Variants in EBF1 observed in about 807,000 individuals in gnomAD.
The protein encoded by EBF1 is transcription factor COE1.
EBF1 carries 10 observed loss-of-function variants against 68.4 expected under a neutral mutation model. That is an observed-to-expected ratio of 0.15 (90% confidence interval 0.09 to 0.25). The LOEUF (loss-of-function observed/expected upper bound fraction) is 0.25. Ranked by LOEUF, EBF1 falls within the 10% of genes least tolerant of loss-of-function variation. The pLI, the probability that EBF1 is intolerant of heterozygous loss-of-function variation, is 1.00. For synonymous variants in EBF1, 298 were observed against 299.8 expected, an observed-to-expected ratio of 0.99 and a Z score of 0.06; for missense variants, 509 against 794.4, an observed-to-expected ratio of 0.64 and a Z score of 4.32.
At chr5:158,768,847 T>C (rs1346876059) in intron 10 of EBF1, among the ~76,000 whole-genome samples, 1 of 152,174 alleles carries the variant, frequency 6.6e-6, no homozygotes, top group African/African-American at 2.4e-5. Context: ...GGTTAATTTA[T>C]CATGATGTTC....
intron 7 of EBF1, among the ~76,000 whole-genome samples, chr5:158,835,682 T>TTTG (rs1178735954): frequency 6.6e-6 from 1 of 152,194 alleles, no homozygotes; most frequent in South Asian, 2.1e-4. Flanking sequence ...ACAATTTTTT[T>TTTG]TTGTTGTTGT....
At chr5:158,837,306 T>C (rs1282654339) in intron 7 of EBF1, among the ~76,000 whole-genome samples, 3 of 152,222 alleles carry the variant, frequency 2.0e-5, no homozygotes, top group Non-Finnish European at 2.9e-5. Flanking sequence ...CAGTCTAAAA[T>C]GTTAACTGTG....
chr5:158,728,463 G>C (rs2127538767), intron 11 of EBF1, among the ~76,000 whole-genome samples: 1 of 152,262 alleles, frequency 6.6e-6, no homozygotes, highest in Middle Eastern at 3.4e-3. Context: ...TCAAAAGTAA[G>C]TACACAAAAC....
chr5:158,920,530 G>C (rs1333688812), intron 6 of EBF1, among the ~76,000 whole-genome samples: 1 of 152,164 alleles, frequency 6.6e-6, no homozygotes, highest in African/African-American at 2.4e-5. Flanking sequence ...GTAAAAGTTA[G>C]TGACTTGAAA....
chr5:158,933,325 A>G (rs1811302131), intron 6 of EBF1, among the ~76,000 whole-genome samples: 1 of 152,216 alleles, frequency 6.6e-6, no homozygotes, highest in African/African-American at 2.4e-5. Context: ...ATTCTTATGA[A>G]GGATAACATA....
chr5:158,908,135 T>C (rs1435013147), intron 6 of EBF1, among the ~76,000 whole-genome samples: 8 of 152,176 alleles, frequency 5.3e-5, no homozygotes, highest in Admixed American at 5.2e-4. Context: ...GAAAGAAACT[T>C]TGTGGCTCCT....
chr5:158,823,157 A>G lies in EBF1; in HGVS notation c.778+19T>C, dbSNP rs1363385471. The G allele has an allele frequency of 1.2e-6, 2 of 1,613,914 alleles. No homozygotes were observed. The highest frequency in any genetic ancestry group is 8.5e-7 in the Non-Finnish European group (1 of 1,179,816). ...ACAGTTAAAGTAGCAATGCCAACCA[A>G]TGAAAATGATTCGCCTACCATGTTC... On this transcript the variant is annotated intron_variant, in intron 8 of 15. Coordinates refer to ENST00000313708, the MANE Select transcript of EBF1 (RefSeq NM_024007.5).
intron 6 of EBF1, among the ~76,000 whole-genome samples, chr5:158,933,485 G>T (rs765631234): frequency 6.6e-6 from 1 of 152,134 alleles, no homozygotes; most frequent in Non-Finnish European, 1.5e-5. Flanking sequence ...GAGATGCTCA[G>T]AAAAATAATA....
intron 10 of EBF1, among the ~76,000 whole-genome samples, chr5:158,739,367 CCT>C (rs1327188288): frequency 6.6e-6 from 1 of 152,132 alleles, no homozygotes; most frequent in Admixed American, 6.6e-5. Flanking sequence ...AAAAGCTGCC[CCT>C]GTTACTGTGT....
chr5:159,063,198 C>T (rs370355567), intron 6 of EBF1, among the ~76,000 whole-genome samples: 1 of 152,114 alleles, frequency 6.6e-6, no homozygotes. Flanking sequence ...TACAACCTAC[C>T]CTCCAAAGCG....
chr5:158,840,103 A>G lies in EBF1; in HGVS notation c.562T>C (p.Leu188=), dbSNP rs1789848905. The change falls in exon 7 of 16, where the codon TTG becomes CTG. Residue 188 remains leucine, a synonymous_variant. Coordinates refer to ENST00000313708, the MANE Select transcript of EBF1 (RefSeq NM_024007.5). ...TGGTTACATTTGAGGAAAAATTTCA[A>G]GAAGAACCTGTGAAGAAACAAATCA... ...SDPVIIDRFF[L]KFFLKCNQNC... The G allele has an allele frequency of 1.2e-6, 2 of 1,613,692 alleles. No individual in the cohort carries two copies. Among genetic ancestry groups the G allele is most frequent in the Non-Finnish European group, 1.7e-6 (2 of 1,179,600 alleles).
At chr5:158,812,500 G>A (rs2127801484) in intron 8 of EBF1, among the ~76,000 whole-genome samples, 1 of 152,182 alleles carries the variant, frequency 6.6e-6, no homozygotes, top group Admixed American at 6.5e-5. Context: ...GGTGGATCTT[G>A]CTGACAGATG....
At chr5:158,912,462 C>T (rs1562282653) in intron 6 of EBF1, among the ~76,000 whole-genome samples, 1 of 152,092 alleles carries the variant, frequency 6.6e-6, no homozygotes, top group African/African-American at 2.4e-5. Context: ...ACGGTGTACC[C>T]GTCCCTTCTA....
intron 6 of EBF1, among the ~76,000 whole-genome samples, chr5:158,911,256 A>G (rs1805908165): frequency 6.6e-6 from 1 of 152,196 alleles, no homozygotes; most frequent in South Asian, 2.1e-4. Flanking sequence ...GACCTTCTTC[A>G]GCGTACTCTT....
At chr5:158,968,838 G>A (rs926365173) in intron 6 of EBF1, among the ~76,000 whole-genome samples, 1 of 152,108 alleles carries the variant, frequency 6.6e-6, no homozygotes, top group Non-Finnish European at 1.5e-5. Flanking sequence ...ATGCATTGAT[G>A]CCACAAAAAT....
At chr5:158,830,961 C>A (rs533705570) in intron 7 of EBF1, among the ~76,000 whole-genome samples, 215 of 152,300 alleles carry the variant, frequency 1.4e-3, no homozygotes, top group African/African-American at 5.0e-3. Flanking sequence ...ACAGACACTT[C>A]TAAATCCTCA....
At chr5:159,082,862 T>G (rs571760617) in intron 5 of EBF1, among the ~76,000 whole-genome samples, 2 of 152,208 alleles carry the variant, frequency 1.3e-5, no homozygotes, top group Non-Finnish European at 1.5e-5. Context: ...TTTTTGCTAT[T>G]TTTATGTTTC....
intron 6 of EBF1, among the ~76,000 whole-genome samples, chr5:158,840,657 T>TG (rs1790083876): frequency 1.0e-5 from 1 of 96,026 alleles, no homozygotes; most frequent in African/African-American, 4.4e-5. Context: ...TTTTTTTTTT[T>TG]TTTTTTTTTT....
chr5:158,756,079 G>A (rs770786960), intron 10 of EBF1, among the ~76,000 whole-genome samples: 2 of 152,084 alleles, frequency 1.3e-5, no homozygotes, highest in Non-Finnish European at 2.9e-5. Flanking sequence ...AGTTGGCCCT[G>A]GCTGCTAACT....
Sources: gnomAD v4.1 joint callset for allele counts (sites outside exome capture counted in the v4.1 genomes callset) on GRCh38, gnomAD v4.1.1 for gene constraint, MANE v1.5 for transcripts, NCBI Gene and HGNC (gene_info 2026-07-23, HGNC 2026-07-21) for gene names.